Variants in CSNK1G3 observed in about 807,000 individuals in gnomAD.
The protein encoded by CSNK1G3 is casein kinase 1 gamma 3.
A neutral mutation model predicts 64.3 loss-of-function variants in CSNK1G3; 23 were observed. The ratio of observed to expected loss-of-function variants is 0.36; its 90% CI spans 0.26 to 0.51. CSNK1G3 has a LOEUF of 0.51. Among genes scored for constraint, CSNK1G3 ranks in the 20% least tolerant of loss-of-function variants. CSNK1G3 has a pLI of 0.96. For missense variants in CSNK1G3, 357 were observed against 510.5 expected, an observed-to-expected ratio of 0.70 and a Z score of 2.90; for synonymous variants, 158 against 162.2, an observed-to-expected ratio of 0.97 and a Z score of 0.20.
At chr5:123,611,699 A>G (rs916297057) in intron 12 of CSNK1G3, among the ~76,000 whole-genome samples, 11 of 152,242 alleles carry the variant, frequency 7.2e-5, no homozygotes, top group African/African-American at 2.7e-4. Context: ...GAAAGAATCT[A>G]CTTTGGAATT....
intron 6 of CSNK1G3, among the ~76,000 whole-genome samples, chr5:123,576,914 T>C (rs1789271602): frequency 6.6e-6 from 1 of 152,108 alleles, no homozygotes; most frequent in African/African-American, 2.4e-5. Flanking sequence ...TATTTACATT[T>C]CCTTATTTGT....
At chr5:123,518,158 G>A (rs1376115752) in intron 1 of CSNK1G3, among the ~76,000 whole-genome samples, 1 of 152,134 alleles carries the variant, frequency 6.6e-6, no homozygotes, top group Non-Finnish European at 1.5e-5. Context: ...CTGGGGTAGA[G>A]GAGATTGTTC....
intron 1 of CSNK1G3, among the ~76,000 whole-genome samples, chr5:123,527,358 T>G (rs1286685777): frequency 1.3e-5 from 2 of 152,180 alleles, no homozygotes; most frequent in African/African-American, 4.8e-5. Flanking sequence ...AAGGCTTTCA[T>G]AGTTTGGAGG....
Position 123,518,775 on chromosome 5 carries a change from T to TA in CSNK1G3, c.-248+6212dup, listed in dbSNP as rs535070640. ...GTTAGATGGAAGAGGGAGGATATTTTAAAAAAATTGTGGGAAGGAAGAATT... is the reference window on the plus strand; with the variant it reads ...GTTAGATGGAAGAGGGAGGATATTTTAAAAAAAATTGTGGGAAGGAAGAATT... On this transcript the variant is annotated intron_variant, in intron 1 of 12. Coordinates refer to ENST00000345990, the Ensembl canonical transcript of CSNK1G3. Among the ~76,000 whole-genome samples the TA allele has an allele frequency of 1.5e-3, 231 of 152,196 alleles. 3 individuals carry two copies. Among genetic ancestry groups the TA allele is most frequent in the African/African-American group, 5.0e-3 (208 of 41,544 alleles).
intron 12 of CSNK1G3, among the ~76,000 whole-genome samples, chr5:123,608,287 T>G (rs1040800449): frequency 3.9e-5 from 6 of 152,192 alleles, no homozygotes; most frequent in African/African-American, 1.4e-4. Context: ...TCCTCATGTT[T>G]CCTGAGAATA....
intron 4 of CSNK1G3, among the ~76,000 whole-genome samples, chr5:123,570,298 T>C (rs932855560): frequency 1.3e-5 from 2 of 151,954 alleles, no homozygotes. Context: ...CTATTGGGAA[T>C]ATAGATGGTG....
At chr5:123,560,009 G>T (rs961066561) in intron 4 of CSNK1G3, among the ~76,000 whole-genome samples, 2 of 151,862 alleles carry the variant, frequency 1.3e-5, no homozygotes, top group African/African-American at 4.8e-5. Context: ...CATATATAAA[G>T]AACTTCTAAA....
intron 12 of CSNK1G3, among the ~76,000 whole-genome samples, chr5:123,613,640 G>A (rs1234853890): frequency 2.6e-5 from 4 of 152,000 alleles, no homozygotes; most frequent in Non-Finnish European, 5.9e-5. Context: ...TCAAAGTGCT[G>A]GGATTACAGG....
chr5:123,514,704 G>A (rs1441534440), intron 1 of CSNK1G3, among the ~76,000 whole-genome samples: 2 of 151,918 alleles, frequency 1.3e-5, no homozygotes, highest in Non-Finnish European at 2.9e-5. Context: ...GCAAAATGGG[G>A]ACTGAGGGGG....
At chr5:123,573,432 A>G (rs1433833023) in exon 5 of CSNK1G3, 1 of 1,614,036 alleles carries the variant, frequency 6.2e-7, no homozygotes, top group Non-Finnish European at 8.5e-7. Context: ...CCTTGTGGTA[A>G]ATACAATGCT....
rs1002592962 is a variant in CSNK1G3, at chr5:123,593,186, G to T, written c.1086+1772G>T. Among the ~76,000 whole-genome samples, 7 of 136,146 alleles carry T rather than the reference G, an allele frequency of 5.1e-5. No individual in the cohort carries two copies. In the East Asian group the frequency reaches 6.1e-4, roughly 12 times the overall value. 89.3% of individuals were successfully genotyped at this position (136,146 alleles called of 152,430 possible). ...CAGTCCTTGCACTAAATGTAGGGTGGGTGTGTGTGTATATATACACACACA... is the reference window on the plus strand; with the variant it reads ...CAGTCCTTGCACTAAATGTAGGGTGTGTGTGTGTGTATATATACACACACA... On this transcript the variant is annotated intron_variant, in intron 10 of 12. Transcript: ENST00000345990.
At chr5:123,559,168 C>T (rs193194956) in intron 4 of CSNK1G3, among the ~76,000 whole-genome samples, 3 of 151,770 alleles carry the variant, frequency 2.0e-5, no homozygotes, top group Admixed American at 6.6e-5. Flanking sequence ...AATGCTTATC[C>T]GAACTTTAGA....
chr5:123,520,653 T>A (rs529051473), intron 1 of CSNK1G3, among the ~76,000 whole-genome samples: 6 of 152,172 alleles, frequency 3.9e-5, no homozygotes, highest in African/African-American at 1.4e-4. Flanking sequence ...AAATTACTTA[T>A]CTTAAAATTT....
intron 10 of CSNK1G3, among the ~76,000 whole-genome samples, chr5:123,596,563 T>A (rs1793480816): frequency 6.6e-6 from 1 of 152,134 alleles, no homozygotes; most frequent in Admixed American, 6.6e-5. Context: ...AGGTGGCTCG[T>A]GGGATTCCTT....
At chr5:123,571,409 G>A (rs1325869965) in intron 4 of CSNK1G3, among the ~76,000 whole-genome samples, 4 of 151,956 alleles carry the variant, frequency 2.6e-5, no homozygotes, top group Admixed American at 6.6e-5. Context: ...TCAGCCTCCC[G>A]AGTAGCTGGG....
intron 1 of CSNK1G3, among the ~76,000 whole-genome samples, chr5:123,534,799 C>G (rs1384017907): frequency 6.6e-6 from 1 of 152,096 alleles, no homozygotes; most frequent in East Asian, 1.9e-4. Context: ...AGGCTTTGAT[C>G]CACAGAGACT....
intron 1 of CSNK1G3, among the ~76,000 whole-genome samples, chr5:123,526,264 CCCAGGCTGGT>C (rs540781409): frequency 1.6e-4 from 25 of 151,968 alleles, no homozygotes; most frequent in African/African-American, 5.8e-4. Context: ...TGGTATATTG[CCCAGGCTGGT>C]CTTGAGCTGG....
chr5:123,583,504 G>C (rs1256438976), intron 6 of CSNK1G3, among the ~76,000 whole-genome samples: 2 of 152,178 alleles, frequency 1.3e-5, no homozygotes, highest in African/African-American at 4.8e-5. Context: ...GAGATTACAG[G>C]CATGTGCCAC....
intron 12 of CSNK1G3, 23 bp from the exon 14 acceptor site, chr5:123,614,315 TAAAA>T: frequency 6.2e-7 from 1 of 1,601,912 alleles, no homozygotes; most frequent in African/African-American, 1.4e-5. Context: ...GCTTTTAAAA[TAAAA>T]AGAGTGTTTC....
Sources: allele counts gnomAD v4.1 joint callset (sites outside exome capture counted in the v4.1 genomes callset), GRCh38; gene constraint gnomAD v4.1.1; transcripts MANE v1.5; gene names NCBI Gene and HGNC (gene_info 2026-07-23, HGNC 2026-07-21).